FSIP1: variants seen among roughly 807,000 people sequenced by gnomAD.
FSIP1 encodes fibrous sheath-interacting protein 1.
In FSIP1, 65 loss-of-function variants were observed where a neutral mutation model predicts 60.9. The ratio of observed to expected loss-of-function variants is 1.07; its 90% CI spans 0.87 to 1.31. The LOEUF is 1.31. Ranked by LOEUF, FSIP1 falls within the 40% of genes most tolerant of loss-of-function variation. The pLI is 0.00. For missense variants in FSIP1, 675 were observed against 665.5 expected (o/e 1.01, Z -0.16); for synonymous variants, 209 against 221.2 (o/e 0.94, Z 0.49).
At chr15:39,682,204 G>T (rs766473329) in intron 10 of FSIP1, among the ~76,000 whole-genome samples, 1 of 152,100 alleles carries the variant, frequency 6.6e-6, no homozygotes, top group Admixed American at 6.5e-5. Context: ...AGATACTTAT[G>T]TCTTAAATAT....
intron 10 of FSIP1, among the ~76,000 whole-genome samples, chr15:39,663,050 G>C (rs936058052): frequency 6.6e-6 from 1 of 152,046 alleles, no homozygotes; most frequent in Non-Finnish European, 1.5e-5. Flanking sequence ...ATTTTCTTCT[G>C]AAAAAATTAA....
intron 5 of FSIP1, among the ~76,000 whole-genome samples, 166 bp downstream of exon 5, chr15:39,763,655 C>T (rs772655565): frequency 1.3e-5 from 2 of 152,166 alleles, no homozygotes; most frequent in Non-Finnish European, 2.9e-5. Context: ...TACCTAAGCT[C>T]GGAGTAGTTT....
At chr15:39,770,681 T>G in intron 2 of FSIP1, 71 bp from the exon 3 acceptor site, 5 of 979,518 alleles carry the variant, frequency 5.1e-6, no homozygotes, top group Non-Finnish European at 7.1e-6. Context: ...ATTTCTAGAA[T>G]ATTTTGACAC....
downstream of FSIP1, among the ~76,000 whole-genome samples, chr15:39,599,622 G>A (rs958954049): frequency 4.7e-5 from 7 of 147,444 alleles, no homozygotes; most frequent in Non-Finnish European, 8.9e-5. Context: ...GAACTCCTCT[G>A]AAACGCTGAC....
Position 39,725,786 on chromosome 15 carries a change from A to ATTT in FSIP1, c.1050+800_1050+802dup, listed in dbSNP as rs201621001. The stretch of plus-strand genomic sequence containing the variant: ...TCTGATATGCCATACCTTCTACCAG[A>ATTT]TTTTTTTTTTTTTTTTGACAGAGAA... On this transcript the variant is annotated intron_variant, in intron 9 of 11. Coordinates refer to ENST00000350221, the MANE Select transcript of FSIP1 (RefSeq NM_152597.5). Among the ~76,000 whole-genome samples, 554 of 143,482 alleles carry ATTT rather than the reference A, an allele frequency of 3.9e-3. 5 individuals are homozygous for ATTT. The highest frequency in any genetic ancestry group is 0.011 in the African/African-American group (438 of 39,374). 94.1% of individuals were successfully genotyped at this position (143,482 alleles called of 152,430 possible). A position where few individuals can be genotyped will look rare whatever the true frequency, so the allele number is the denominator to read the frequency against.
chr15:39,623,902 T>C (rs1385314077), intron 10 of FSIP1, among the ~76,000 whole-genome samples: 1 of 152,250 alleles, frequency 6.6e-6, no homozygotes. Flanking sequence ...TTATTGATGG[T>C]TTCTGCTTTC....
chr15:39,769,676 C>T (rs762963861), intron 3 of FSIP1, among the ~76,000 whole-genome samples: 1 of 152,174 alleles, frequency 6.6e-6, no homozygotes, highest in Non-Finnish European at 1.5e-5. Context: ...GTCAAAATTT[C>T]ATAAAATTGA....
chr15:39,717,401 G>A (rs765895781), intron 9 of FSIP1, among the ~76,000 whole-genome samples: 1 of 152,100 alleles, frequency 6.6e-6, no homozygotes, highest in Non-Finnish European at 1.5e-5. Flanking sequence ...AGAGCTTAGG[G>A]TATTTTTTCC....
At chr15:39,656,891 G>A (rs559587886) in intron 10 of FSIP1, among the ~76,000 whole-genome samples, 13 of 152,326 alleles carry the variant, frequency 8.5e-5, no homozygotes, top group African/African-American at 3.1e-4. Flanking sequence ...GCCATCATTT[G>A]CAGAGGAGGA....
chr15:39,689,880 C>T (rs34775207), intron 10 of FSIP1, among the ~76,000 whole-genome samples: 5,066 of 152,274 alleles, frequency 0.033, 103 homozygotes, highest in Middle Eastern at 0.065. Flanking sequence ...TCTTCTGATA[C>T]GGCTTTTCTT....
At chr15:39,650,850 C>T (rs575560378) in intron 10 of FSIP1, among the ~76,000 whole-genome samples, 3 of 152,344 alleles carry the variant, frequency 2.0e-5, no homozygotes, top group African/African-American at 7.2e-5. Flanking sequence ...ATAATAATAG[C>T]TTGTTTTCTT....
intron 10 of FSIP1, among the ~76,000 whole-genome samples, chr15:39,687,565 T>C (rs1214485506): frequency 6.6e-5 from 10 of 152,216 alleles, no homozygotes; most frequent in Non-Finnish European, 1.3e-4. Context: ...TCTGGTTCCC[T>C]GGCACTTTGT....
rs1442471197 is a variant in FSIP1 at position 39,776,515 on chromosome 15, T to TA, written c.9dup (p.Ile4TyrfsTer50). 23 of 1,605,988 alleles carry TA rather than the reference T, an allele frequency of 1.4e-5. No homozygotes were observed. The highest frequency in any genetic ancestry group is 1.9e-5 in the Non-Finnish European group (22 of 1,175,362). ...GAAATTCCATCTAGGTTTCCCTTTATAATATCCATTGAAATCCTGAAACAA... is the reference window on the plus strand; with the variant it reads ...GAAATTCCATCTAGGTTTCCCTTTATAAATATCCATTGAAATCCTGAAACAA... On this transcript the variant is annotated frameshift_variant, in exon 2 of 12. Transcript: ENST00000350221. LOFTEE classifies it high-confidence loss of function.
chr15:39,782,255 A>C (rs1898294248), intron 1 of FSIP1, among the ~76,000 whole-genome samples: 1 of 152,160 alleles, frequency 6.6e-6, no homozygotes, highest in Admixed American at 6.5e-5. Flanking sequence ...TTGAGTCTCT[A>C]ATCAATTGTT....
chr15:39,646,762 T>G (rs1361685326), intron 10 of FSIP1, among the ~76,000 whole-genome samples: 1 of 151,438 alleles, frequency 6.6e-6, no homozygotes, highest in African/African-American at 2.4e-5. Context: ...CATAAAGGTA[T>G]CCACATTTCC....
intron 10 of FSIP1, among the ~76,000 whole-genome samples, chr15:39,644,686 T>C (rs918550679): frequency 3.9e-5 from 6 of 152,014 alleles, no homozygotes; most frequent in Non-Finnish European, 8.8e-5. Flanking sequence ...TCAAAAGCAC[T>C]TTTCAGCACT....
chr15:39,691,967 G>A (rs1322843479), intron 10 of FSIP1, among the ~76,000 whole-genome samples: 4 of 152,140 alleles, frequency 2.6e-5, no homozygotes, highest in African/African-American at 4.8e-5. Context: ...ACAATTTCCT[G>A]TTTTGTGCTG....
Position 39,738,350 on chromosome 15 carries a change from T to C in FSIP1, c.781-149A>G. ...TTACATTTTCTAGGTAATTTTATTT[T>C]ATACCAAAATTTTTATATAGGGCCA... On this transcript the variant is annotated intron_variant, in intron 7 of 11. Coordinates refer to ENST00000350221, the MANE Select transcript of FSIP1 (RefSeq NM_152597.5). 7 of 560,564 alleles carry C rather than the reference T, an allele frequency of 1.2e-5. No homozygotes were observed. In the South Asian group the frequency reaches 2.0e-4, roughly 16 times the overall value. The allele number at this position is 560,564 out of a possible 1,614,324, so 34.7% of individuals were successfully genotyped here.
chr15:39,685,119 TG>T (rs1233564055), intron 10 of FSIP1, among the ~76,000 whole-genome samples: 9 of 152,346 alleles, frequency 5.9e-5, no homozygotes, highest in African/African-American at 2.2e-4. Context: ...AAATGACTGG[TG>T]TGCTATCTGG....
Sources: gnomAD v4.1 joint callset for allele counts (sites outside exome capture counted in the v4.1 genomes callset) on GRCh38, gnomAD v4.1.1 for gene constraint, MANE v1.5 for transcripts, NCBI Gene and HGNC (gene_info 2026-07-23, HGNC 2026-07-21) for gene names.